Variants in NSUN6 observed in about 807,000 individuals in gnomAD.
NSUN6 encodes the protein NOP2/Sun RNA methyltransferase 6.
In NSUN6, 64 loss-of-function variants were observed where a neutral mutation model predicts 58.0. The observed-to-expected ratio is 1.10, with a 90% CI of 0.90 to 1.36. The LOEUF (loss-of-function observed/expected upper bound fraction) is 1.36. Among genes scored for constraint, NSUN6 ranks in the 40% most tolerant of loss-of-function variants. The pLI, the probability that NSUN6 is intolerant of heterozygous loss-of-function variation, is 0.00. For synonymous variants in NSUN6, 231 were observed against 193.9 expected (o/e 1.19, Z -1.59); for missense variants, 701 against 550.1 (o/e 1.27, Z -2.74).
chr10:18,651,728 C>T (rs2059712968), upstream of NSUN6: 1 of 985,676 alleles, frequency 1.0e-6, no homozygotes, highest in Non-Finnish European at 1.2e-6. Flanking sequence ...TTACGCTACG[C>T]CACGCCCCCG....
intron 6 of NSUN6, among the ~76,000 whole-genome samples, chr10:18,608,870 TG>T (rs2131310403): frequency 6.6e-6 from 1 of 152,220 alleles, no homozygotes; most frequent in South Asian, 2.1e-4. Context: ...ATTCCCAAAA[TG>T]ATTCATAAAC....
At chr10:18,560,641 GGAATGGAGAATGGAATGGA>G (rs1279271073) in intron 8 of NSUN6, among the ~76,000 whole-genome samples, 37 of 93,292 alleles carry the variant, frequency 4.0e-4, no homozygotes, top group South Asian at 1.8e-3. Context: ...ATAAAGGAAT[GGAATGGAGAATGGAATGGA>G]GAATGGAGAA....
intron 3 of NSUN6, among the ~76,000 whole-genome samples, chr10:18,628,621 G>A (rs1199689914): frequency 6.6e-6 from 1 of 152,156 alleles, no homozygotes. Context: ...GAAGCCTCAG[G>A]AGCCAATGTG....
At chr10:18,574,102 G>A (rs2056530593) in intron 8 of NSUN6, among the ~76,000 whole-genome samples, 1 of 152,058 alleles carries the variant, frequency 6.6e-6, no homozygotes, top group Non-Finnish European at 1.5e-5. Flanking sequence ...CTTTAGGAGT[G>A]CTGACTCAAG....
At chr10:18,652,831 T>C, upstream of NSUN6, 1 of 882,870 alleles carries the variant, frequency 1.1e-6, no homozygotes, top group Non-Finnish European at 1.4e-6. Context: ...AGTGCTGGGA[T>C]TACAGGCGTG....
At chr10:18,561,751 A>C (rs1460345026) in intron 8 of NSUN6, among the ~76,000 whole-genome samples, 2 of 147,980 alleles carry the variant, frequency 1.4e-5, no homozygotes, top group South Asian at 2.1e-4. Flanking sequence ...GAATGGAGAA[A>C]GGAATAGAAT....
intron 8 of NSUN6, among the ~76,000 whole-genome samples, chr10:18,565,488 C>A (rs1370939800): frequency 6.6e-6 from 1 of 151,392 alleles, no homozygotes; most frequent in Non-Finnish European, 1.5e-5. Flanking sequence ...CTATTCCATT[C>A]CATTCTCCAT....
intron 7 of NSUN6, among the ~76,000 whole-genome samples, chr10:18,586,451 T>C (rs2057145859): frequency 6.6e-6 from 1 of 152,252 alleles, no homozygotes; most frequent in South Asian, 2.1e-4. Flanking sequence ...CCGCAGACCT[T>C]CGCAGTGAGT....
chr10:18,579,928 T>A (rs546639648), intron 8 of NSUN6, among the ~76,000 whole-genome samples: 1 of 152,172 alleles, frequency 6.6e-6, no homozygotes, highest in Non-Finnish European at 1.5e-5. Flanking sequence ...GGAAGCAGGT[T>A]TGCCCTAACC....
At chr10:18,645,113 G>T (rs1397143017) in intron 2 of NSUN6, among the ~76,000 whole-genome samples, 1 of 138,666 alleles carries the variant, frequency 7.2e-6, no homozygotes, top group African/African-American at 2.7e-5. Flanking sequence ...AGCTGAGATC[G>T]CGCCATTGCA....
chr10:18,632,628 T>G (rs2059073560), intron 3 of NSUN6, among the ~76,000 whole-genome samples: 1 of 152,036 alleles, frequency 6.6e-6, no homozygotes, highest in South Asian at 2.1e-4. Flanking sequence ...AAGAAGACAT[T>G]TATGCAGCCA....
intron 8 of NSUN6, among the ~76,000 whole-genome samples, chr10:18,584,302 C>T (rs775189969): frequency 3.3e-5 from 5 of 152,196 alleles, no homozygotes; most frequent in Non-Finnish European, 7.3e-5. Flanking sequence ...CCCCCCTTAC[C>T]TTATAAAAGT....
At chr10:18,594,036 C>T (rs1475131388) in intron 7 of NSUN6, among the ~76,000 whole-genome samples, 2 of 151,838 alleles carry the variant, frequency 1.3e-5, no homozygotes, top group Admixed American at 6.6e-5. Flanking sequence ...CCCATCTCTA[C>T]TAAAAATACA....
upstream of NSUN6, among the ~76,000 whole-genome samples, chr10:18,657,150 T>C (rs528577499): frequency 6.6e-6 from 1 of 152,324 alleles, no homozygotes; most frequent in South Asian, 2.1e-4. Flanking sequence ...AAGTATTTTT[T>C]CTAACAGATC....
At chr10:18,640,884 C>T (rs989096425) in intron 3 of NSUN6, among the ~76,000 whole-genome samples, 4 of 149,988 alleles carry the variant, frequency 2.7e-5, no homozygotes, top group African/African-American at 9.8e-5. Flanking sequence ...AAAAATATTA[C>T]ACATGAAAAT....
intron 8 of NSUN6, among the ~76,000 whole-genome samples, chr10:18,578,009 G>GCGTA (rs1416760019): frequency 6.6e-6 from 1 of 152,190 alleles, no homozygotes; most frequent in African/African-American, 2.4e-5. Context: ...ATCTGTAAGG[G>GCGTA]CGTACCCTTC....
At chr10:18,582,357 A>C (rs2056942167) in intron 8 of NSUN6, among the ~76,000 whole-genome samples, 1 of 152,134 alleles carries the variant, frequency 6.6e-6, no homozygotes, top group African/African-American at 2.4e-5. Flanking sequence ...TAACAAACTA[A>C]CTTTATTTTG....
At chr10:18,635,092 G>C (rs929381881) in intron 3 of NSUN6, among the ~76,000 whole-genome samples, 2 of 152,164 alleles carry the variant, frequency 1.3e-5, no homozygotes, top group South Asian at 4.1e-4. Flanking sequence ...TATGTGCTAC[G>C]CAGAGGGTGC....
At chr10:18,619,428 TTAC>T (rs1288627925) in intron 3 of NSUN6, among the ~76,000 whole-genome samples, 3 of 152,222 alleles carry the variant, frequency 2.0e-5, no homozygotes, top group Admixed American at 2.0e-4. Flanking sequence ...TTTCTCACCC[TTAC>T]TATTAACACT....
Sources: allele counts gnomAD v4.1 joint callset (sites outside exome capture counted in the v4.1 genomes callset), GRCh38; gene constraint gnomAD v4.1.1; transcripts MANE v1.5; gene names NCBI Gene and HGNC (gene_info 2026-07-23, HGNC 2026-07-21).